CDK6: variants seen among roughly 807,000 people sequenced by gnomAD.
CDK6 encodes cyclin dependent kinase 6, also known as cyclin-dependent kinase 6.
CDK6 carries 6 observed loss-of-function variants against 37.1 expected under a neutral mutation model. That is an observed-to-expected ratio of 0.16 (90% CI 0.09 to 0.32). The LOEUF (loss-of-function observed/expected upper bound fraction) is 0.32, where lower values mean the gene tolerates loss of function less well. Among genes scored for constraint, CDK6 ranks in the 10% least tolerant of loss-of-function variants. CDK6 has a pLI of 1.00. For missense variants in CDK6, 224 were observed against 418.9 expected (o/e 0.53, Z 4.06); for synonymous variants, 160 against 161.3 (o/e 0.99, Z 0.06).
At chr7:92,805,621 G>A (rs148834526) in intron 2 of CDK6, among the ~76,000 whole-genome samples, 81 of 152,096 alleles carry the variant, frequency 5.3e-4, no homozygotes, top group East Asian at 1.9e-3. Flanking sequence ...GTTTTATACC[G>A]GTCTAGTAAC....
chr7:92,770,707 A>G (rs1390626895), intron 3 of CDK6, among the ~76,000 whole-genome samples: 1 of 152,124 alleles, frequency 6.6e-6, no homozygotes, highest in Non-Finnish European at 1.5e-5. Context: ...TACCCCTATG[A>G]TATCTAGTAA....
chr7:92,668,546 G>A (rs1797008431), intron 5 of CDK6, among the ~76,000 whole-genome samples: 1 of 152,210 alleles, frequency 6.6e-6, no homozygotes, highest in South Asian at 2.1e-4. Flanking sequence ...GGTACCCAGA[G>A]TTTAGAAGTT....
intron 3 of CDK6, among the ~76,000 whole-genome samples, chr7:92,764,580 A>G (rs1374554163): frequency 6.6e-6 from 1 of 152,228 alleles, no homozygotes; most frequent in African/African-American, 2.4e-5. Context: ...TACCGTAAGA[A>G]TCAATCTTTC....
chr7:92,679,156 T>C (rs1360895538), intron 4 of CDK6, among the ~76,000 whole-genome samples: 3 of 152,174 alleles, frequency 2.0e-5, no homozygotes, highest in Non-Finnish European at 4.4e-5. Context: ...TGCCATCTAT[T>C]TCCTGTTGGG....
intron 5 of CDK6, among the ~76,000 whole-genome samples, chr7:92,664,027 GC>G (rs1796898835): frequency 6.6e-6 from 1 of 151,954 alleles, no homozygotes; most frequent in Non-Finnish European, 1.5e-5. Context: ...TGTAGTCCCA[GC>G]TACTCAGGAG....
chr7:92,708,674 A>AG (rs1337627504), intron 4 of CDK6, among the ~76,000 whole-genome samples: 1 of 152,242 alleles, frequency 6.6e-6, no homozygotes, highest in Non-Finnish European at 1.5e-5. Flanking sequence ...TGTTTGTAAA[A>AG]GAAAAAAAAG....
intron 5 of CDK6, among the ~76,000 whole-genome samples, chr7:92,641,828 G>A (rs1035227783): frequency 6.6e-6 from 1 of 152,156 alleles, no homozygotes; most frequent in African/African-American, 2.4e-5. Context: ...AAATGCATAA[G>A]TCATTGCTCT....
At chr7:92,679,368 C>T (rs1414841499) in intron 4 of CDK6, among the ~76,000 whole-genome samples, 1 of 152,094 alleles carries the variant, frequency 6.6e-6, no homozygotes, top group African/African-American at 2.4e-5. Context: ...CTTTATGGAC[C>T]CAACAACGTT....
At chr7:92,668,730 C>G (rs1223668681) in intron 5 of CDK6, among the ~76,000 whole-genome samples, 3 of 152,178 alleles carry the variant, frequency 2.0e-5, no homozygotes, top group Non-Finnish European at 4.4e-5. Flanking sequence ...AGAACCAGGT[C>G]AAGCTGGTGA....
chr7:92,749,905 C>T lies in CDK6; in HGVS notation c.370-24112G>A, dbSNP rs147337622. On this transcript the variant is annotated intron_variant, in intron 3 of 7. Coordinates refer to ENST00000424848, the MANE Select transcript of CDK6 (RefSeq NM_001145306.2). Reference sequence around the variant, plus strand: ...TGAAATGCAGAGACATAAATGATTACAATTCTTCATGGAGAAAAAATATAT... The same window carrying T: ...TGAAATGCAGAGACATAAATGATTATAATTCTTCATGGAGAAAAAATATAT... Among the ~76,000 whole-genome samples the T allele has an allele frequency of 7.2e-5, 11 of 152,232 alleles. No homozygotes were observed. In the East Asian group the frequency reaches 1.9e-3, roughly 27 times the overall value.
chr7:92,797,162 G>T (rs774387069), intron 2 of CDK6, among the ~76,000 whole-genome samples: 66 of 152,172 alleles, frequency 4.3e-4, no homozygotes, highest in Non-Finnish European at 7.9e-4. Context: ...GTTTGTGAAT[G>T]AAACTTCCTC....
intron 4 of CDK6, among the ~76,000 whole-genome samples, chr7:92,709,776 A>G (rs1798045573): frequency 1.3e-5 from 2 of 152,140 alleles, no homozygotes; most frequent in South Asian, 4.1e-4. Flanking sequence ...AATTTGCCTG[A>G]GAAGAATGTT....
intron 2 of CDK6, among the ~76,000 whole-genome samples, chr7:92,802,111 C>T (rs1800595225): frequency 6.7e-6 from 1 of 150,204 alleles, no homozygotes; most frequent in African/African-American, 2.4e-5. Flanking sequence ...TCAGGGTCTT[C>T]AGTGCATCCA....
intron 3 of CDK6, among the ~76,000 whole-genome samples, chr7:92,733,105 C>A (rs1447928748): frequency 6.6e-6 from 1 of 152,078 alleles, no homozygotes; most frequent in Non-Finnish European, 1.5e-5. Context: ...ATGTTATGAA[C>A]ATTATCTTTC....
At chr7:92,812,073 A>G (rs1800899839) in intron 2 of CDK6, among the ~76,000 whole-genome samples, 1 of 152,230 alleles carries the variant, frequency 6.6e-6, no homozygotes, top group South Asian at 2.1e-4. Flanking sequence ...TGGGAGGTGG[A>G]GATTGCAATC....
At chr7:92,778,528 C>A (rs1031900302) in intron 2 of CDK6, among the ~76,000 whole-genome samples, 1 of 152,126 alleles carries the variant, frequency 6.6e-6, no homozygotes, top group African/African-American at 2.4e-5. Context: ...CAAAACAGTT[C>A]TTTTGCCTTG....
rs1795644893 is a variant in CDK6 at position 92,615,102 on chromosome 7, G to A, written c.*38C>T. 1 of 1,610,740 alleles carries A rather than the reference G, an allele frequency of 6.2e-7. No individual in the cohort carries two copies. The highest frequency in any genetic ancestry group is 8.5e-7 in the Non-Finnish European group (1 of 1,178,622). On this transcript the variant is annotated 3_prime_UTR_variant, in exon 8 of 8. Coordinates refer to ENST00000424848, the MANE Select transcript of CDK6 (RefSeq NM_001145306.2). ...GGGGGACCCATAAGCCACCAAGGGTGTTCTCCGCAGGATCAGCTTAAGGCG... is the reference window on the plus strand; with the variant it reads ...GGGGGACCCATAAGCCACCAAGGGTATTCTCCGCAGGATCAGCTTAAGGCG...
intron 5 of CDK6, among the ~76,000 whole-genome samples, chr7:92,659,356 C>A (rs1439664593): frequency 6.6e-6 from 1 of 152,048 alleles, no homozygotes; most frequent in Non-Finnish European, 1.5e-5. Context: ...CTCATTCATC[C>A]ATATATTTAT....
At chr7:92,788,929 T>A (rs1225444551) in intron 2 of CDK6, among the ~76,000 whole-genome samples, 4 of 151,960 alleles carry the variant, frequency 2.6e-5, no homozygotes, top group Non-Finnish European at 2.9e-5. Flanking sequence ...CCTGCCTGGG[T>A]AACACAAAGA....
Sources: gnomAD v4.1 joint callset for allele counts (sites outside exome capture counted in the v4.1 genomes callset) on GRCh38, gnomAD v4.1.1 for gene constraint, MANE v1.5 for transcripts, NCBI Gene and HGNC (gene_info 2026-07-23, HGNC 2026-07-21) for gene names.